Variants in ANKHD1 observed in about 807,000 individuals in gnomAD.
ANKHD1 encodes ankyrin repeat and KH domain-containing protein 1.
In ANKHD1, 31 loss-of-function variants were observed where a neutral mutation model predicts 230.5. The observed-to-expected ratio is 0.13, with a 90% CI of 0.10 to 0.18. The LOEUF (loss-of-function observed/expected upper bound fraction) is 0.18, where lower values mean the gene tolerates loss of function less well. Among genes scored for constraint, ANKHD1 ranks in the 10% least tolerant of loss-of-function variants. ANKHD1 has a pLI of 1.00. For synonymous variants in ANKHD1, 1,074 were observed against 1,117.6 expected (o/e 0.96, Z 0.78); for missense variants, 2,256 against 3,071.3 (o/e 0.73, Z 6.27).
chr5:140,459,125 C>G, intron 8 of ANKHD1, 39 bp from the exon 9 acceptor site: 1 of 1,450,106 alleles, frequency 6.9e-7, no homozygotes. Context: ...TATTATAAGT[C>G]TCTTGCAACT....
At chr5:140,435,850 A>T (rs753061790) in intron 1 of ANKHD1, among the ~76,000 whole-genome samples, 4 of 152,112 alleles carry the variant, frequency 2.6e-5, no homozygotes, top group Non-Finnish European at 5.9e-5. Flanking sequence ...ATTGCTTTTC[A>T]TGCTCTGTAT....
chr5:140,434,781 A>G (rs1161358972), intron 1 of ANKHD1, among the ~76,000 whole-genome samples: 3 of 152,080 alleles, frequency 2.0e-5, no homozygotes, highest in Non-Finnish European at 4.4e-5. Context: ...TACAACATGT[A>G]TTTCCCAAAT....
In ANKHD1 at chr5:140,485,999, A is replaced by G. The variant is rs766531661; in HGVS notation, c.2142+267A>G. 7 of 371,412 alleles carry G rather than the reference A, an allele frequency of 1.9e-5. No individual in the cohort carries two copies. Among genetic ancestry groups the G allele is most frequent in the Non-Finnish European group, 2.8e-5 (6 of 215,564 alleles). The allele number at this position is 371,412 out of a possible 1,614,324, so 23.0% of individuals were successfully genotyped here. ...TATTCTAAGTTGTTATCTTATTACA[A>G]CTAGGTTTTTCAGGGTTTTTTATTT... On this transcript the variant is annotated intron_variant, in intron 13 of 33. Transcript: ENST00000360839. The surrounding 1 kb of genome is among the most constrained non-coding windows in gnomAD (Gnocchi z 4.8).
At position 140,529,258 on chromosome 5, in the gene ANKHD1, A is replaced by G; in HGVS notation, c.6312A>G (p.Pro2104=). 2 of 1,614,220 alleles carry G rather than the reference A, an allele frequency of 1.2e-6. No individual in the cohort carries two copies. Among genetic ancestry groups the G allele is most frequent in the Middle Eastern group, 1.6e-4 (1 of 6,062 alleles). The change falls in exon 29 of 34, where the codon CCA becomes CCG. Residue 2104 remains proline (P), a synonymous_variant. Transcript: ENST00000360839. ...TTGCATCTAACTCAGAACCTGCTCC[A>G]TTGACTTTGACATCACCCAGAATGG... ...MPFASNSEPA[P]LTLTSPRMVA...
intron 14 of ANKHD1, among the ~76,000 whole-genome samples, chr5:140,490,353 A>C (rs183022588): frequency 2.2e-4 from 33 of 152,196 alleles, no homozygotes; most frequent in African/African-American, 7.7e-4. Context: ...CAGGTGTTTG[A>C]TATATGTTCT....
intron 14 of ANKHD1, among the ~76,000 whole-genome samples, chr5:140,489,158 C>T (rs183445233): frequency 2.8e-4 from 43 of 151,122 alleles, no homozygotes; most frequent in Non-Finnish European, 4.7e-4. Context: ...CCATTGCACC[C>T]CAGTGTGGGC....
chr5:140,475,993 T>C (rs1354285438), intron 10 of ANKHD1, among the ~76,000 whole-genome samples: 1 of 152,190 alleles, frequency 6.6e-6, no homozygotes, highest in Non-Finnish European at 1.5e-5. Flanking sequence ...TTTTAAACTA[T>C]GACCAGTAGC....
chr5:140,496,320 A>C (rs1752033660), intron 14 of ANKHD1, among the ~76,000 whole-genome samples, 200 bp from the exon 15 acceptor site: 1 of 152,070 alleles, frequency 6.6e-6, no homozygotes, highest in Non-Finnish European at 1.5e-5. Flanking sequence ...GTGCTGCTTG[A>C]AATAGATGAG....
At chr5:140,460,768 G>T (rs1775645603) in intron 9 of ANKHD1, among the ~76,000 whole-genome samples, 1 of 152,102 alleles carries the variant, frequency 6.6e-6, no homozygotes, top group Admixed American at 6.6e-5. Context: ...CAATCCTTCT[G>T]CCCCGGCCTC....
chr5:140,416,297 AT>A (rs1179560640), intron 1 of ANKHD1, among the ~76,000 whole-genome samples: 1 of 152,226 alleles, frequency 6.6e-6, no homozygotes, highest in Admixed American at 6.5e-5. Context: ...CTTTGGGTAT[AT>A]ACCCAGTAAT....
chr5:140,521,852 G>A (rs937515157), intron 24 of ANKHD1, among the ~76,000 whole-genome samples: 2 of 152,148 alleles, frequency 1.3e-5, no homozygotes, highest in African/African-American at 2.4e-5. Context: ...GGTGGCACAC[G>A]CCTGTAATCC....
At chr5:140,403,419 T>C (rs1245782106) in intron 1 of ANKHD1, among the ~76,000 whole-genome samples, 1 of 151,588 alleles carries the variant, frequency 6.6e-6, no homozygotes, top group Admixed American at 6.6e-5. Context: ...GCGGGTTTTG[T>C]TTTTGTTTTT....
intron 22 of ANKHD1, 118 bp downstream of exon 22, chr5:140,510,299 T>C: frequency 8.8e-7 from 1 of 1,134,320 alleles, no homozygotes; most frequent in Non-Finnish European, 1.2e-6. Flanking sequence ...ATCACTGCTA[T>C]CTTTCCATTC....
intron 24 of ANKHD1, among the ~76,000 whole-genome samples, chr5:140,514,829 G>A (rs12189422): frequency 0.19 from 29,378 of 151,860 alleles, 3,310 homozygotes; most frequent in East Asian, 0.27. Context: ...AAAATTCACC[G>A]GGCATAGAGG....
intron 6 of ANKHD1, among the ~76,000 whole-genome samples, chr5:140,447,518 T>C (rs1162425908): frequency 1.3e-5 from 2 of 152,234 alleles, no homozygotes; most frequent in Middle Eastern, 3.2e-3. Context: ...TCAATAAATA[T>C]TCTTACAATG....
intron 1 of ANKHD1, among the ~76,000 whole-genome samples, chr5:140,423,710 T>G (rs1772172931): frequency 6.6e-6 from 1 of 152,188 alleles, no homozygotes; most frequent in Admixed American, 6.6e-5. Context: ...TGCATAAACA[T>G]CTCAGGCTCA....
intron 7 of ANKHD1, among the ~76,000 whole-genome samples, chr5:140,452,397 G>A (rs571463460): frequency 1.3e-5 from 2 of 152,296 alleles, no homozygotes; most frequent in Non-Finnish European, 2.9e-5. Flanking sequence ...CGGAGTTTGA[G>A]ATCTGAGAAT....
intron 33 of ANKHD1, 45 bp from the exon 34 acceptor site, chr5:140,539,314 A>G (rs1196742340): frequency 1.2e-5 from 20 of 1,612,010 alleles, no homozygotes; most frequent in Non-Finnish European, 1.5e-5. Context: ...GTAACTGTCT[A>G]AAGATTCCTA....
chr5:140,492,242 A>C (rs1007391021), intron 14 of ANKHD1, among the ~76,000 whole-genome samples: 1 of 152,220 alleles, frequency 6.6e-6, no homozygotes, highest in Non-Finnish European at 1.5e-5. Flanking sequence ...ATGGATTTAC[A>C]CATGCCCAAA....
Sources: allele counts gnomAD v4.1 joint callset (sites outside exome capture counted in the v4.1 genomes callset), GRCh38; gene constraint gnomAD v4.1.1; non-coding constraint Gnocchi (gnomAD v3.1); transcripts MANE v1.5; gene names NCBI Gene and HGNC (gene_info 2026-07-23, HGNC 2026-07-21).